The following PTPRT variants were observed in gnomAD, a reference collection of about 807,000 sequenced individuals.
PTPRT encodes receptor-type tyrosine-protein phosphatase T.
In PTPRT, 56 loss-of-function variants were observed where a neutral mutation model predicts 176.8. The ratio of observed to expected loss-of-function variants is 0.32; its 90% CI spans 0.26 to 0.40. The LOEUF (loss-of-function observed/expected upper bound fraction) is 0.40. Ranked by LOEUF, PTPRT falls within the 10% of genes least tolerant of loss-of-function variation. The pLI is 1.00. For synonymous variants in PTPRT, 783 were observed against 739.0 expected, an observed-to-expected ratio of 1.06 and a Z score of -0.96; for missense variants, 1,540 against 1,908.2, an observed-to-expected ratio of 0.81 and a Z score of 3.60.
intron 1 of PTPRT, among the ~76,000 whole-genome samples, chr20:43,186,104 A>G (rs2015383055): frequency 6.6e-6 from 1 of 152,146 alleles, no homozygotes; most frequent in Non-Finnish European, 1.5e-5. Context: ...TGTACCAGGC[A>G]CTCTTCCATT....
intron 5 of PTPRT, among the ~76,000 whole-genome samples, chr20:42,769,164 G>A (rs1261916809): frequency 6.6e-6 from 1 of 152,218 alleles, no homozygotes; most frequent in Non-Finnish European, 1.5e-5. Context: ...GAAGCAGAAA[G>A]AACAGGTATT....
chr20:42,116,226 C>A, intron 21 of PTPRT: 1 of 623,680 alleles, frequency 1.6e-6, no homozygotes, highest in South Asian at 1.9e-5. Flanking sequence ...TATTCAGCTT[C>A]TTTCTCATGC....
At chr20:43,092,624 A>G (rs28572761) in intron 1 of PTPRT, among the ~76,000 whole-genome samples, 3,541 of 152,280 alleles carry the variant, frequency 0.023, 153 homozygotes, top group African/African-American at 0.082. Flanking sequence ...AGTTCTGCCC[A>G]CTAAACTGAA....
intron 6 of PTPRT, among the ~76,000 whole-genome samples, chr20:42,744,544 G>T (rs933601912): frequency 6.6e-6 from 1 of 152,142 alleles, no homozygotes; most frequent in Non-Finnish European, 1.5e-5. Context: ...AGCCTGTGGG[G>T]GTTTCTAATG....
chr20:42,473,547 T>G (rs1451195663), intron 7 of PTPRT, among the ~76,000 whole-genome samples: 2 of 152,174 alleles, frequency 1.3e-5, no homozygotes, highest in East Asian at 3.9e-4. Flanking sequence ...ACAATCAGAG[T>G]TCATCCCAGC....
chr20:43,083,320 GTATATA>G (rs779087395), intron 1 of PTPRT, among the ~76,000 whole-genome samples: 2,900 of 36,826 alleles, frequency 0.079, 287 homozygotes, highest in Non-Finnish European at 0.12. Context: ...CACTTCAAAT[GTATATA>G]TATATATATA....
chr20:42,615,993 T>C, intron 7 of PTPRT, among the ~76,000 whole-genome samples: 1 of 127,692 alleles, frequency 7.8e-6, no homozygotes, highest in South Asian at 2.4e-4. Flanking sequence ...TTTGGTGTTT[T>C]GGACATGAAG....
chr20:42,601,101 A>G (rs2073773421), intron 7 of PTPRT, among the ~76,000 whole-genome samples: 1 of 152,168 alleles, frequency 6.6e-6, no homozygotes, highest in Non-Finnish European at 1.5e-5. Flanking sequence ...CCATCCCCAC[A>G]TCTACCATGT....
At chr20:42,346,002 A>C (rs1568795254) in intron 11 of PTPRT, among the ~76,000 whole-genome samples, 1 of 152,160 alleles carries the variant, frequency 6.6e-6, no homozygotes, top group Non-Finnish European at 1.5e-5. Context: ...TGTGCTTCCA[A>C]AGGATCACTC....
Position 42,791,337 on chromosome 20 carries a change from G to T in PTPRT, c.344C>A (p.Ser115Tyr), listed in dbSNP as rs2077372198. The T allele has an allele frequency of 6.2e-7, 1 of 1,614,092 alleles. No individual in the cohort carries two copies. The highest frequency in any genetic ancestry group is 1.7e-5 in the Admixed American group (1 of 60,008). ...GTAGACGTTCAAGGCCCCTGGGCTG[G>T]ACCTGTCACGGCTGGAGAAGTAGTA... ...FHYYFSSRDRSSPGALNVYVK... is the reference protein window; with the variant it reads ...FHYYFSSRDRYSPGALNVYVK... Residue 115 changes from serine to tyrosine, a missense_variant, in exon 3 of 31, where the codon TCC (serine) becomes TAC (tyrosine). This residue lies in a region of PTPRT where 273 missense variants were observed against 432.1 expected (regional missense o/e 0.63). Transcript: ENST00000373187.
intron 7 of PTPRT, among the ~76,000 whole-genome samples, chr20:42,540,626 C>T (rs1464606633): frequency 6.6e-6 from 1 of 151,992 alleles, no homozygotes; most frequent in African/African-American, 2.4e-5. Flanking sequence ...TTGAGTAGAG[C>T]TTTAGATAAT....
At chr20:42,811,785 T>G (rs1037245722) in intron 2 of PTPRT, among the ~76,000 whole-genome samples, 10 of 152,326 alleles carry the variant, frequency 6.6e-5, no homozygotes, top group African/African-American at 1.9e-4. Flanking sequence ...CCTATATTTA[T>G]ATGGTTTCAT....
At chr20:42,173,724 T>A (rs911820730) in intron 16 of PTPRT, among the ~76,000 whole-genome samples, 2 of 152,154 alleles carry the variant, frequency 1.3e-5, no homozygotes, top group South Asian at 2.1e-4. Context: ...GGGGCGTGCA[T>A]GGAATCCTGG....
intron 4 of PTPRT, among the ~76,000 whole-genome samples, 174 bp downstream of exon 4, chr20:42,780,044 T>C (rs1473192945): frequency 6.6e-6 from 1 of 152,066 alleles, no homozygotes; most frequent in Admixed American, 6.6e-5. Flanking sequence ...GCCGGCAAAA[T>C]TATGGATTTA....
intron 15 of PTPRT, among the ~76,000 whole-genome samples, chr20:42,212,899 T>C (rs2055678765): frequency 6.6e-6 from 1 of 152,178 alleles, no homozygotes; most frequent in Non-Finnish European, 1.5e-5. Context: ...ATTGATGCAG[T>C]CTAGAGCCAT....
chr20:42,565,189 G>A (rs1260470555), intron 7 of PTPRT, among the ~76,000 whole-genome samples: 2 of 152,108 alleles, frequency 1.3e-5, no homozygotes, highest in African/African-American at 4.8e-5. Flanking sequence ...TAGTCCCCAA[G>A]GCAGCTCACA....
chr20:42,287,978 A>G (rs996456010), intron 12 of PTPRT, among the ~76,000 whole-genome samples: 3 of 152,050 alleles, frequency 2.0e-5, no homozygotes, highest in Non-Finnish European at 4.4e-5. Flanking sequence ...GATACACATA[A>G]GAGAATATTA....
intron 9 of PTPRT, among the ~76,000 whole-genome samples, chr20:42,430,613 C>T (rs757796502): frequency 1.3e-5 from 2 of 152,092 alleles, no homozygotes; most frequent in Admixed American, 6.5e-5. Context: ...AACCTGGCTG[C>T]GAGTCCTTCA....
intron 2 of PTPRT, among the ~76,000 whole-genome samples, chr20:42,873,685 A>G (rs1441345853): frequency 2.0e-5 from 3 of 147,858 alleles, no homozygotes; most frequent in Non-Finnish European, 4.6e-5. Context: ...TGATTTTTTC[A>G]TACTAAGTTT....
Sources: gnomAD v4.1 joint callset for allele counts (sites outside exome capture counted in the v4.1 genomes callset) on GRCh38, gnomAD v4.1.1 for gene constraint, gnomAD v4.1.1 regional missense constraint, MANE v1.5 for transcripts, NCBI Gene and HGNC (gene_info 2026-07-23, HGNC 2026-07-21) for gene names.